Variants in FOXP1 observed in about 807,000 individuals in gnomAD.
FOXP1 encodes the protein forkhead box P1.
In FOXP1, 15 loss-of-function variants were observed where a neutral mutation model predicts 98.2. The ratio of observed to expected loss-of-function variants is 0.15; its 90% confidence interval spans 0.10 to 0.24. FOXP1 has a LOEUF of 0.24. Among genes scored for constraint, FOXP1 ranks in the 10% least tolerant of loss-of-function variants. FOXP1 has a pLI of 1.00. For synonymous variants in FOXP1, 371 were observed against 314.5 expected (o/e 1.18, Z -1.90); for missense variants, 633 against 848.5 (o/e 0.75, Z 3.15).
chr3:71,448,074 C>T (rs957636566), intron 3 of FOXP1, among the ~76,000 whole-genome samples: 5 of 152,148 alleles, frequency 3.3e-5, no homozygotes, highest in South Asian at 2.1e-4. Flanking sequence ...CTCTAAACAA[C>T]GCTTCCCTGC....
intron 3 of FOXP1, among the ~76,000 whole-genome samples, chr3:71,429,467 C>A (rs965811031): frequency 2.0e-4 from 15 of 76,612 alleles, no homozygotes; most frequent in Admixed American, 1.9e-3. Context: ...GTGTGCTGCT[C>A]GTGAGAACTT....
chr3:70,986,415 C>T (rs1244546823), intron 14 of FOXP1, among the ~76,000 whole-genome samples: 1 of 152,186 alleles, frequency 6.6e-6, no homozygotes, highest in Non-Finnish European at 1.5e-5. Flanking sequence ...GTTTTTAATC[C>T]GTGGAGGAAG....
intron 3 of FOXP1, among the ~76,000 whole-genome samples, chr3:71,417,834 C>G (rs775005965): frequency 6.6e-6 from 1 of 151,910 alleles, no homozygotes; most frequent in African/African-American, 2.4e-5. Context: ...GCATTTGGTC[C>G]GCATAGCCGA....
At chr3:71,042,433 G>T (rs1015058852) in intron 10 of FOXP1, among the ~76,000 whole-genome samples, 3 of 152,130 alleles carry the variant, frequency 2.0e-5, no homozygotes, top group Non-Finnish European at 2.9e-5. Context: ...TGTAGCCCAG[G>T]TTTCCAAATC....
At chr3:71,581,387 C>T in intron 2 of FOXP1, 162 bp downstream of exon 2, 4 of 985,370 alleles carry the variant, frequency 4.1e-6, no homozygotes, top group Non-Finnish European at 4.8e-6. Context: ...TCCAGTATTT[C>T]GAAGCACCTA....
intron 3 of FOXP1, among the ~76,000 whole-genome samples, chr3:71,434,381 C>T (rs1218260171): frequency 6.6e-6 from 1 of 152,142 alleles, no homozygotes; most frequent in Admixed American, 6.5e-5. Context: ...CTTGCTGTCC[C>T]TCCCAAGTCC....
At chr3:71,153,424 C>T (rs541064799) in intron 6 of FOXP1, among the ~76,000 whole-genome samples, 5 of 152,104 alleles carry the variant, frequency 3.3e-5, no homozygotes, top group African/African-American at 1.2e-4. Context: ...TGATTCTAGC[C>T]CAGCACCAAG....
Position 71,053,748 on chromosome 3 carries a change from G to A in FOXP1, c.308C>T (p.Thr103Ile), listed in dbSNP as rs2107136996. ...TTGCTGGGGAGTGATAACTTGAGGT[G>A]TCATCATAGCCACTGACACGGGAAC... ...LQVPVSVAMM[T>I]PQVITPQQMQ... The change falls in exon 8 of 21, where the codon ACA becomes ATA. Residue 103 changes from threonine (T) to isoleucine (I), a missense_variant. Thr to Ile is a moderately conservative substitution (Grantham distance 89). Around this residue, in one of 6 missense-constraint regions of FOXP1, gnomAD observed 210 missense variants for 270.6 expected, o/e 0.78. Transcript: ENST00000649528. The A allele has an allele frequency of 1.2e-6, 2 of 1,614,056 alleles. No individual in the cohort carries two copies. The highest frequency in any genetic ancestry group is 1.7e-6 in the Non-Finnish European group (2 of 1,179,988).
At chr3:71,158,361 A>G (rs1177115206) in intron 6 of FOXP1, among the ~76,000 whole-genome samples, 4 of 150,292 alleles carry the variant, frequency 2.7e-5, no homozygotes, top group Non-Finnish European at 4.4e-5. Flanking sequence ...AATAGTGCCC[A>G]GGGAATGTTA....
At chr3:70,960,841 AT>A (rs549719513) in intron 20 of FOXP1, among the ~76,000 whole-genome samples, 6,703 of 137,180 alleles carry the variant, frequency 0.049, 424 homozygotes, top group African/African-American at 0.16. Context: ...TAAAAAAATA[AT>A]TTTTTTTTTT....
chr3:71,031,906 C>A (rs2046913571), intron 11 of FOXP1, among the ~76,000 whole-genome samples: 1 of 152,218 alleles, frequency 6.6e-6, no homozygotes, highest in African/African-American at 2.4e-5. Flanking sequence ...TTCTATGAAC[C>A]AAGTGTGTTT....
chr3:71,369,978 G>T (rs1276053336), intron 3 of FOXP1, among the ~76,000 whole-genome samples: 1 of 152,134 alleles, frequency 6.6e-6, no homozygotes, highest in Non-Finnish European at 1.5e-5. Context: ...AGCACAAGGG[G>T]TCAGAAAAGA....
Position 71,330,023 on chromosome 3 carries a change from A to C in FOXP1, c.-73+29127T>G, listed in dbSNP as rs537101822. Among the ~76,000 whole-genome samples the C allele has an allele frequency of 4.6e-5, 7 of 152,342 alleles. No individual in the cohort carries two copies. In the East Asian group the frequency reaches 1.4e-3, roughly 29 times the overall value. ...TAGGAGTTTGAGACTAGCCTAGGCA[A>C]CACAGGGAGAACCTGTTTCAAAAGA... On this transcript the variant is annotated intron_variant, in intron 4 of 20. Coordinates refer to ENST00000649528, the MANE Select transcript of FOXP1 (RefSeq NM_001349338.3).
At chr3:71,192,340 T>A (rs1382610199) in intron 6 of FOXP1, among the ~76,000 whole-genome samples, 1 of 152,212 alleles carries the variant, frequency 6.6e-6, no homozygotes. Context: ...CCATAAGGTA[T>A]GAAACAAGGC....
chr3:71,563,082 G>A (rs1255284507), intron 2 of FOXP1, among the ~76,000 whole-genome samples: 2 of 152,150 alleles, frequency 1.3e-5, no homozygotes, highest in Non-Finnish European at 2.9e-5. Context: ...CAAAGTGGGA[G>A]CAAACTGCAG....
chr3:71,180,943 A>G (rs1170851052), intron 6 of FOXP1, among the ~76,000 whole-genome samples: 2 of 152,216 alleles, frequency 1.3e-5, no homozygotes, highest in Non-Finnish European at 2.9e-5. Context: ...TGTATTGATT[A>G]GGATATGTGT....
In FOXP1 at chr3:71,148,387, A is replaced by T. The variant is rs558193199; in HGVS notation, c.181-35750T>A. ...CAGAACGAGACTCGGTCTCAAAAATAAAAAAAAAACTAATAATAACAACAA... is the reference window on the plus strand; with the variant it reads ...CAGAACGAGACTCGGTCTCAAAAATTAAAAAAAAACTAATAATAACAACAA... On this transcript the variant is annotated intron_variant, in intron 6 of 20. Transcript: ENST00000649528. Among the ~76,000 whole-genome samples the T allele has an allele frequency of 8.1e-3, 536 of 65,774 alleles. 2 individuals are homozygous for T. Among genetic ancestry groups the T allele is most frequent in the African/African-American group, 0.022 (514 of 23,598 alleles). 43.2% of individuals were successfully genotyped at this position (65,774 alleles called of 152,430 possible).
At chr3:71,554,531 T>A (rs2045988949) in intron 2 of FOXP1, among the ~76,000 whole-genome samples, 2 of 152,178 alleles carry the variant, frequency 1.3e-5, no homozygotes, top group Admixed American at 1.3e-4. Context: ...TGATTCCGTG[T>A]ACTGGATGGA....
chr3:71,066,475 T>C (rs1286069587), intron 7 of FOXP1, among the ~76,000 whole-genome samples: 1 of 152,134 alleles, frequency 6.6e-6, no homozygotes, highest in African/African-American at 2.4e-5. Flanking sequence ...CAAGGGCTCT[T>C]TTGCGAGGTA....
Sources: allele counts gnomAD v4.1 joint callset (sites outside exome capture counted in the v4.1 genomes callset), GRCh38; gene constraint gnomAD v4.1.1; regional missense constraint gnomAD v4.1.1; transcripts MANE v1.5; gene names NCBI Gene and HGNC (gene_info 2026-07-23, HGNC 2026-07-21).